OSBPL8: variants seen among roughly 807,000 people sequenced by gnomAD.
OSBPL8 encodes the protein oxysterol binding protein like 8.
A neutral mutation model predicts 125.5 loss-of-function variants in OSBPL8; 59 were observed. The observed-to-expected ratio is 0.47, with a 90% CI of 0.38 to 0.58. The LOEUF (loss-of-function observed/expected upper bound fraction) is 0.58. OSBPL8 is among the 20% of genes least tolerant of loss of function. The pLI is 0.00. For synonymous variants in OSBPL8, 330 were observed against 338.9 expected (o/e 0.97, Z 0.29); for missense variants, 758 against 1,047.8 (o/e 0.72, Z 3.82).
rs115111226 is a variant in OSBPL8 at position 76,502,857 on chromosome 12, C to T, written c.-67-15239G>A. ...GTTACAGAGACAAAAATTGTAATTT[C>T]TGGGATTATTACTTCCTTATTGTTT... On this transcript the variant is annotated intron_variant, in intron 1 of 23. Transcript: ENST00000261183. Among the ~76,000 whole-genome samples, 453 of 152,268 alleles carry T rather than the reference C, an allele frequency of 3.0e-3. 1 individual carries two copies. The highest frequency in any genetic ancestry group is 0.011 in the African/African-American group (438 of 41,550).
chr12:76,473,481 T>G (rs1876426856), intron 2 of OSBPL8, among the ~76,000 whole-genome samples: 1 of 152,174 alleles, frequency 6.6e-6, no homozygotes, highest in Non-Finnish European at 1.5e-5. Context: ...CAACCTTAGA[T>G]GCACATTGAA....
chr12:76,492,452 G>C (rs1349656402), intron 1 of OSBPL8, among the ~76,000 whole-genome samples: 1 of 152,194 alleles, frequency 6.6e-6, no homozygotes, highest in African/African-American at 2.4e-5. Context: ...ATGGGCCACA[G>C]ACTGATACGG....
rs1431710972 is a variant in OSBPL8, at chr12:76,508,402, T to C, written c.-67-20784A>G. Among the ~76,000 whole-genome samples the C allele has an allele frequency of 2.6e-5, 4 of 152,320 alleles. No homozygotes were observed. The East Asian group carries it at 7.7e-4, about 29-fold the overall frequency. ...GCAGTGGTCTCATTAAGATTTACTATGAAGCTGAAAATTTCCCATTGCCTA... is the reference window on the plus strand; with the variant it reads ...GCAGTGGTCTCATTAAGATTTACTACGAAGCTGAAAATTTCCCATTGCCTA... On this transcript the variant is annotated intron_variant, in intron 1 of 23. Coordinates refer to ENST00000261183, the MANE Select transcript of OSBPL8 (RefSeq NM_020841.5).
At chr12:76,409,820 A>C (rs998411983) in intron 5 of OSBPL8, among the ~76,000 whole-genome samples, 1 of 152,220 alleles carries the variant, frequency 6.6e-6, no homozygotes, top group African/African-American at 2.4e-5. Flanking sequence ...TGTAAGAGCA[A>C]GCCCAACTGC....
At chr12:76,415,535 A>ACCATGC (rs1868535819) in intron 4 of OSBPL8, among the ~76,000 whole-genome samples, 1 of 152,218 alleles carries the variant, frequency 6.6e-6, no homozygotes, top group Non-Finnish European at 1.5e-5. Flanking sequence ...GGCATGAGCC[A>ACCATGC]CCATGCCCAT....
intron 9 of OSBPL8, among the ~76,000 whole-genome samples, 186 bp from the exon 10 acceptor site, chr12:76,392,938 C>T (rs1238257479): frequency 6.6e-6 from 1 of 152,172 alleles, no homozygotes; most frequent in Non-Finnish European, 1.5e-5. Context: ...ATACTAAGCA[C>T]ACCACTGATA....
At chr12:76,454,166 C>A (rs1475494431) in intron 3 of OSBPL8, among the ~76,000 whole-genome samples, 1 of 152,154 alleles carries the variant, frequency 6.6e-6, no homozygotes, top group African/African-American at 2.4e-5. Flanking sequence ...GTGGGTCCAA[C>A]AATTCCACTC....
intron 11 of OSBPL8, 111 bp from the exon 12 acceptor site, chr12:76,389,940 T>C: frequency 2.6e-6 from 2 of 776,808 alleles, no homozygotes; most frequent in Non-Finnish European, 3.6e-6. Flanking sequence ...CTCCAAGCAT[T>C]CTTTAAATGT....
At chr12:76,363,629 C>A (rs1227747336) in intron 21 of OSBPL8, among the ~76,000 whole-genome samples, 4 of 152,108 alleles carry the variant, frequency 2.6e-5, no homozygotes, top group Non-Finnish European at 4.4e-5. Context: ...ACACCAAAAG[C>A]AATGGCAACA....
chr12:76,492,467 G>A (rs1409320318), intron 1 of OSBPL8, among the ~76,000 whole-genome samples: 1 of 152,176 alleles, frequency 6.6e-6, no homozygotes, highest in Non-Finnish European at 1.5e-5. Context: ...ATACGGGTCT[G>A]TGGCCTGTTA....
chr12:76,514,311 A>AT (rs372291232), intron 1 of OSBPL8, among the ~76,000 whole-genome samples: 42,292 of 144,830 alleles, frequency 0.29, 6,278 homozygotes, highest in Non-Finnish European at 0.36. Context: ...CGCCCAGCTA[A>AT]TTTTTTTTTT....
At chr12:76,522,982 C>T (rs1001775609) in intron 1 of OSBPL8, among the ~76,000 whole-genome samples, 3 of 152,076 alleles carry the variant, frequency 2.0e-5, no homozygotes, top group African/African-American at 7.2e-5. Flanking sequence ...CGACTACAGG[C>T]GCATACCACC....
At chr12:76,494,882 T>C (rs962749601) in intron 1 of OSBPL8, among the ~76,000 whole-genome samples, 27 of 152,170 alleles carry the variant, frequency 1.8e-4, no homozygotes, top group Non-Finnish European at 3.4e-4. Flanking sequence ...GAGATAAAAT[T>C]TGGGGAGTTA....
At chr12:76,405,311 T>C (rs1213314648) in intron 5 of OSBPL8, among the ~76,000 whole-genome samples, 1 of 151,880 alleles carries the variant, frequency 6.6e-6, no homozygotes, top group Non-Finnish European at 1.5e-5. Flanking sequence ...ATAAAAAAAT[T>C]AGCTGGGCAT....
intron 1 of OSBPL8, among the ~76,000 whole-genome samples, chr12:76,545,980 G>C (rs115284776): frequency 6.6e-6 from 1 of 152,052 alleles, no homozygotes; most frequent in African/African-American, 2.4e-5. Context: ...ACTTATACAC[G>C]GATTTTTTTC....
At chr12:76,363,858 A>G (rs1349367806) in intron 21 of OSBPL8, among the ~76,000 whole-genome samples, 3 of 152,266 alleles carry the variant, frequency 2.0e-5, no homozygotes, top group South Asian at 2.1e-4. Flanking sequence ...ATGAACAGAC[A>G]CTTTTCAAAA....
At chr12:76,431,329 CAAAG>C (rs943742970) in intron 4 of OSBPL8, among the ~76,000 whole-genome samples, 6 of 149,992 alleles carry the variant, frequency 4.0e-5, no homozygotes, top group Admixed American at 2.0e-4. Flanking sequence ...AAAAAACCCA[CAAAG>C]AAAGAAAATG....
intron 16 of OSBPL8, among the ~76,000 whole-genome samples, chr12:76,376,578 G>A (rs1952826845): frequency 6.6e-6 from 1 of 151,998 alleles, no homozygotes; most frequent in Admixed American, 6.6e-5. Flanking sequence ...GTAGCGCATG[G>A]ATATCTACAT....
chr12:76,547,236 T>C (rs1950806272), intron 1 of OSBPL8, among the ~76,000 whole-genome samples: 2 of 152,204 alleles, frequency 1.3e-5, no homozygotes, highest in African/African-American at 2.4e-5. Context: ...AAGATTTGCA[T>C]TCTGCCAATG....
Sources: allele counts gnomAD v4.1 joint callset (sites outside exome capture counted in the v4.1 genomes callset), GRCh38; gene constraint gnomAD v4.1.1; transcripts MANE v1.5; gene names NCBI Gene and HGNC (gene_info 2026-07-23, HGNC 2026-07-21).